The following NOL4 variants were observed in gnomAD, a reference collection of about 807,000 sequenced individuals.
NOL4 encodes the protein cancer/testis antigen 125.
In NOL4, 17 loss-of-function variants were observed where a neutral mutation model predicts 75.9. That is an observed-to-expected ratio of 0.22 (90% CI 0.15 to 0.34). NOL4 has a LOEUF of 0.34. NOL4 is among the 10% of genes least tolerant of loss of function. The probability of loss-of-function intolerance (pLI) is 1.00; values close to 1 mark genes in which losing one functional copy is unlikely to be tolerated. For missense variants in NOL4, 614 were observed against 793.5 expected (o/e 0.77, Z 2.72); for synonymous variants, 292 against 289.9 (o/e 1.01, Z -0.07).
intron 1 of NOL4, among the ~76,000 whole-genome samples, chr18:34,140,967 T>C (rs1363874894): frequency 6.6e-6 from 1 of 152,106 alleles, no homozygotes; most frequent in Admixed American, 6.6e-5. Flanking sequence ...CTTAAGCGCA[T>C]AAGCAACTTC....
intron 1 of NOL4, among the ~76,000 whole-genome samples, chr18:34,184,196 C>T (rs950608864): frequency 2.0e-5 from 3 of 151,704 alleles, no homozygotes; most frequent in African/African-American, 7.3e-5. Context: ...ATTGAAACTG[C>T]AAACAGGCTC....
At chr18:33,890,553 G>A (rs956423480) in intron 9 of NOL4, among the ~76,000 whole-genome samples, 2 of 151,852 alleles carry the variant, frequency 1.3e-5, no homozygotes, top group Non-Finnish European at 2.9e-5. Context: ...AAAACAGGGT[G>A]AGTTTTATAC....
At chr18:34,020,273 C>T (rs1222288354) in intron 5 of NOL4, among the ~76,000 whole-genome samples, 1 of 151,686 alleles carries the variant, frequency 6.6e-6, no homozygotes, top group Non-Finnish European at 1.5e-5. Flanking sequence ...ATCTCAAATG[C>T]AATCTCAAAG....
chr18:33,904,016 C>T (rs1418757482), intron 9 of NOL4, among the ~76,000 whole-genome samples: 1 of 152,096 alleles, frequency 6.6e-6, no homozygotes, highest in Non-Finnish European at 1.5e-5. Context: ...GCCTAAATGG[C>T]TGATGGTTCA....
chr18:33,953,492 CTG>C, intron 8 of NOL4, among the ~76,000 whole-genome samples: 1 of 150,584 alleles, frequency 6.6e-6, no homozygotes, highest in East Asian at 1.9e-4. Flanking sequence ...AAATTGGAAA[CTG>C]TAAGATTTAT....
intron 2 of NOL4, among the ~76,000 whole-genome samples, chr18:34,112,863 G>A (rs2145762991): frequency 6.6e-6 from 1 of 152,244 alleles, no homozygotes; most frequent in Admixed American, 6.5e-5. Flanking sequence ...GTTACCACAT[G>A]TACCCACAAA....
intron 1 of NOL4, among the ~76,000 whole-genome samples, chr18:34,168,408 TTAAC>T (rs942827319): frequency 2.6e-5 from 4 of 151,576 alleles, no homozygotes; most frequent in African/African-American, 9.7e-5. Flanking sequence ...TTCACAGACT[TTAAC>T]TAAAGGAACT....
chr18:34,019,454 C>T lies in NOL4; in HGVS notation c.920G>A (p.Ser307Asn). Residue 307 changes from serine to asparagine, a missense_variant, in exon 6 of 11, where the codon AGT (serine) becomes AAT (asparagine). Around this residue, in one of 9 missense-constraint regions of NOL4, gnomAD observed 196 missense variants for 167.9 expected, o/e 1.17. Transcript: ENST00000261592. ...TAGCTGCGCAGAGAGGGGACTGTCA[C>T]TCAGGTTCAGTGGCTGTTCATCTTG... ...LEQDEQPLNL[S>N]DSPLSAQLTS... 5 of 1,613,996 alleles carry T rather than the reference C, an allele frequency of 3.1e-6. No homozygotes were observed. The highest frequency in any genetic ancestry group is 4.2e-6 in the Non-Finnish European group (5 of 1,179,980).
At chr18:34,062,619 T>C (rs1452513097) in intron 5 of NOL4, among the ~76,000 whole-genome samples, 1 of 152,146 alleles carries the variant, frequency 6.6e-6, no homozygotes, top group Admixed American at 6.5e-5. Context: ...CTGGTTTGAA[T>C]GCAGAATGTG....
chr18:34,190,637 G>A (rs2034844997), intron 1 of NOL4, among the ~76,000 whole-genome samples: 1 of 151,560 alleles, frequency 6.6e-6, no homozygotes, highest in South Asian at 2.1e-4. Context: ...AGTAGAACAG[G>A]TCAAAGGAAG....
At chr18:33,888,108 C>T (rs558896030) in intron 9 of NOL4, among the ~76,000 whole-genome samples, 1 of 152,252 alleles carries the variant, frequency 6.6e-6, no homozygotes, top group South Asian at 2.1e-4. Flanking sequence ...TAATGATCAC[C>T]ATTCTAACTG....
intron 1 of NOL4, chr18:34,158,440 T>C (rs1600749434): frequency 6.6e-6 from 1 of 152,204 alleles, no homozygotes; most frequent in African/African-American, 2.4e-5. Context: ...AACAGAGCCA[T>C]GTGGAAATAA....
chr18:34,079,632 C>T (rs1300701022), intron 5 of NOL4, among the ~76,000 whole-genome samples: 5 of 151,880 alleles, frequency 3.3e-5, no homozygotes, highest in African/African-American at 1.2e-4. Flanking sequence ...TATGCTTTTC[C>T]CAGTGAGCAT....
At chr18:34,105,801 T>C (rs1255713590) in intron 2 of NOL4, among the ~76,000 whole-genome samples, 1 of 152,024 alleles carries the variant, frequency 6.6e-6, no homozygotes, top group Non-Finnish European at 1.5e-5. Flanking sequence ...ACACTGACTG[T>C]CAGAGCAAGC....
At chr18:34,137,333 C>T (rs567127986) in intron 1 of NOL4, among the ~76,000 whole-genome samples, 2 of 151,990 alleles carry the variant, frequency 1.3e-5, no homozygotes, top group South Asian at 4.2e-4. Context: ...AATAATACCA[C>T]CAGAAAGTGA....
intron 1 of NOL4, among the ~76,000 whole-genome samples, chr18:34,186,202 A>C (rs1041585964): frequency 6.6e-6 from 1 of 152,128 alleles, no homozygotes; most frequent in African/African-American, 2.4e-5. Flanking sequence ...TTTTCTCCAT[A>C]ATCTATTCTG....
intron 1 of NOL4, among the ~76,000 whole-genome samples, chr18:34,196,638 G>A (rs2035349576): frequency 1.3e-5 from 2 of 152,002 alleles, no homozygotes; most frequent in Admixed American, 1.3e-4. Context: ...ACATGTATTT[G>A]CAGCAAACTT....
At chr18:34,073,206 C>T (rs1027463117) in intron 5 of NOL4, among the ~76,000 whole-genome samples, 5 of 151,978 alleles carry the variant, frequency 3.3e-5, no homozygotes, top group Non-Finnish European at 7.4e-5. Context: ...AAGAAAAATA[C>T]ATCAATTACC....
rs141751403 is a variant in NOL4 at position 34,005,685 on chromosome 18, C to A, written c.1056+13633G>T. On this transcript the variant is annotated intron_variant, in intron 6 of 10. Transcript: ENST00000261592. ...ACCATTCAACGTAGTGCTGAGATGT[C>A]CTCCTGGCCAAGGCTCACACTCATT... 3.3e-4 allele frequency among the ~76,000 whole-genome samples: 50 copies of A among 152,152 alleles called. 1 individual carries two copies. The East Asian group carries it at 8.7e-3, about 27-fold the overall frequency.
Sources: gnomAD v4.1 joint callset for allele counts (sites outside exome capture counted in the v4.1 genomes callset) on GRCh38, gnomAD v4.1.1 for gene constraint, gnomAD v4.1.1 regional missense constraint, MANE v1.5 for transcripts, NCBI Gene and HGNC (gene_info 2026-07-23, HGNC 2026-07-21) for gene names.